The following ZNF254 variants were observed in gnomAD, a reference collection of about 807,000 sequenced individuals.
The protein encoded by ZNF254 is CTD-2017D11.1.
Under a neutral mutation model 12.4 loss-of-function variants are expected in ZNF254, and 10 were observed. That is an observed-to-expected ratio of 0.80 (90% CI 0.50 to 1.36). The LOEUF is 1.36. ZNF254 is among the 40% of genes most tolerant of loss of function. The probability of loss-of-function intolerance (pLI) is 0.00; values close to 1 mark genes in which losing one functional copy is unlikely to be tolerated. For missense variants in ZNF254, 996 were observed against 763.9 expected (o/e 1.30, Z -3.58); for synonymous variants, 305 against 253.4 (o/e 1.20, Z -1.93).
At chr19:24,125,220 ATCT>A (rs1974748266) in intron 3 of ZNF254, among the ~76,000 whole-genome samples, 1 of 137,592 alleles carries the variant, frequency 7.3e-6, no homozygotes, top group Admixed American at 7.1e-5. Context: ...TTATTTTTAC[ATCT>A]TTTTTTTTTT....
intron 3 of ZNF254, among the ~76,000 whole-genome samples, chr19:24,124,548 A>G (rs902032507): frequency 1.3e-5 from 2 of 152,028 alleles, no homozygotes; most frequent in Non-Finnish European, 2.9e-5. Flanking sequence ...TTTCCAATAT[A>G]CTTTTTTAGA....
chr19:24,036,386 A>G (rs1202850418), intron 1 of ZNF254, among the ~76,000 whole-genome samples: 2 of 152,116 alleles, frequency 1.3e-5, no homozygotes, highest in Non-Finnish European at 2.9e-5. Context: ...AAGTTCTGTG[A>G]GTAGCTGTAT....
At chr19:24,109,211 A>T (rs1181080871) in intron 3 of ZNF254, among the ~76,000 whole-genome samples, 3 of 152,206 alleles carry the variant, frequency 2.0e-5, no homozygotes, top group African/African-American at 7.2e-5. Flanking sequence ...TTAAATGCTT[A>T]TCTATTAAAA....
chr19:24,090,294 A>G (rs1244745257), intron 1 of ZNF254, among the ~76,000 whole-genome samples: 1 of 150,696 alleles, frequency 6.6e-6, no homozygotes, highest in East Asian at 1.9e-4. Flanking sequence ...GGCATAGTTC[A>G]GAGTCTCCTG....
At chr19:24,042,989 T>C (rs961216334) in intron 1 of ZNF254, among the ~76,000 whole-genome samples, 3 of 152,200 alleles carry the variant, frequency 2.0e-5, no homozygotes, top group African/African-American at 7.2e-5. Context: ...ATTGAAAAAC[T>C]CTGTTTCTTT....
chr19:24,061,046 C>T (rs1459258062), intron 2 of ZNF254, among the ~76,000 whole-genome samples: 1 of 152,120 alleles, frequency 6.6e-6, no homozygotes, highest in East Asian at 1.9e-4. Flanking sequence ...ACTGCTTGGA[C>T]TCTGTCACAG....
intron 2 of ZNF254, among the ~76,000 whole-genome samples, chr19:24,051,564 G>A (rs1970648142): frequency 6.6e-6 from 1 of 152,070 alleles, no homozygotes; most frequent in Non-Finnish European, 1.5e-5. Context: ...GCACAAAAAG[G>A]GATTGTGACA....
At chr19:24,074,313 G>A (rs1319419027) in intron 2 of ZNF254, among the ~76,000 whole-genome samples, 1 of 152,134 alleles carries the variant, frequency 6.6e-6, no homozygotes, top group Non-Finnish European at 1.5e-5. Flanking sequence ...TCTCTTCTAA[G>A]TAGGTTCTGC....
chr19:24,081,289 C>G (rs1052331428), intron 2 of ZNF254, among the ~76,000 whole-genome samples: 1 of 152,030 alleles, frequency 6.6e-6, no homozygotes, highest in Non-Finnish European at 1.5e-5. Flanking sequence ...TCAGGGAAGT[C>G]GTAGCAATTT....
chr19:24,109,028 G>A lies in ZNF254; in HGVS notation c.253+2385G>A, dbSNP rs765714359. On this transcript the variant is annotated intron_variant, in intron 3 of 3. Transcript: ENST00000357002. ...AAATTAGCCGGGCATGGCGGCACGCGCCTGTAGTCTGAGCTACTAGGGAGA... is the reference window on the plus strand; with the variant it reads ...AAATTAGCCGGGCATGGCGGCACGCACCTGTAGTCTGAGCTACTAGGGAGA... Among the ~76,000 whole-genome samples the A allele has an allele frequency of 4.6e-5, 7 of 152,304 alleles. 1 individual carries two copies. The highest frequency in any genetic ancestry group is 4.1e-4 in the South Asian group (2 of 4,828).
chr19:24,110,925 T>C (rs904909316), intron 3 of ZNF254, among the ~76,000 whole-genome samples: 1 of 151,692 alleles, frequency 6.6e-6, no homozygotes, highest in Non-Finnish European at 1.5e-5. Context: ...AGATGCAGGG[T>C]GAATCTATAT....
intron 1 of ZNF254, among the ~76,000 whole-genome samples, chr19:24,088,951 C>T (rs773405464): frequency 6.0e-5 from 9 of 150,586 alleles, no homozygotes; most frequent in Non-Finnish European, 1.0e-4. Context: ...GCCATCTCGC[C>T]TGGCCAATTA....
chr19:24,092,580 C>T (rs1371060065), intron 1 of ZNF254, among the ~76,000 whole-genome samples: 1 of 152,004 alleles, frequency 6.6e-6, no homozygotes, highest in Non-Finnish European at 1.5e-5. Context: ...GGGATTTTTC[C>T]ATGTTGCTCA....
rs144690134 is a variant in ZNF254 at position 24,126,405 on chromosome 19, C to A, written c.405C>A (p.Asn135Lys). 1 of 1,605,882 alleles carries A rather than the reference C, an allele frequency of 6.2e-7. No individual in the cohort carries two copies. The highest frequency in any genetic ancestry group is 1.1e-5 in the South Asian group (1 of 89,032). The change falls in exon 4 of 4, where the codon AAC becomes AAA. Residue 135 changes from asparagine (N) to lysine (K), a missense_variant. Coordinates refer to ENST00000357002, the MANE Select transcript of ZNF254 (RefSeq NM_203282.4). ...AAAGTGTGGATGAGTATAAGGTGAA[C>A]AAAGAAGGTTATAATGGACTTAACC... ...GCKSVDEYKV[N>K]KEGYNGLNQC...
chr19:24,089,568 G>T (rs1049346299), intron 1 of ZNF254, among the ~76,000 whole-genome samples: 1 of 152,174 alleles, frequency 6.6e-6, no homozygotes, highest in South Asian at 2.1e-4. Flanking sequence ...ACCCACCATG[G>T]CTATGTCTGC....
chr19:24,048,274 C>T (rs1333486581), intron 2 of ZNF254, among the ~76,000 whole-genome samples: 2 of 152,152 alleles, frequency 1.3e-5, no homozygotes, highest in Admixed American at 6.5e-5. Context: ...AGGCCGGCCA[C>T]TGAGGTGGGC....
intron 2 of ZNF254, among the ~76,000 whole-genome samples, chr19:24,064,327 A>C (rs1237536211): frequency 6.6e-6 from 1 of 152,006 alleles, no homozygotes; most frequent in African/African-American, 2.4e-5. Flanking sequence ...CACCTAGGTA[A>C]TATTACTTTT....
chr19:24,126,599 A>G lies in ZNF254; in HGVS notation c.599A>G (p.His200Arg), dbSNP rs1339479643. The G allele has an allele frequency of 6.2e-7, 1 of 1,603,960 alleles. No homozygotes were observed. Among genetic ancestry groups the G allele is most frequent in the Non-Finnish European group, 8.5e-7 (1 of 1,177,544 alleles). The change falls in exon 4 of 4, where the codon CAC becomes CGC. Residue 200 changes from histidine to arginine, a missense_variant. By Grantham distance (29) the His-to-Arg change is conservative. Coordinates refer to ENST00000357002, the MANE Select transcript of ZNF254 (RefSeq NM_203282.4). ...LFCMLSHKTQHKSIYHREKSY... is the reference protein window; with the variant it reads ...LFCMLSHKTQRKSIYHREKSY... ...TGCATGCTTTCACATAAAACCCAAC[A>G]CAAAAGCATTTATCATAGAGAGAAG... is the stretch of plus-strand genomic sequence containing the variant.
In ZNF254 at chr19:24,087,331, AGAAATGGT is replaced by A; in HGVS notation, c.27_30+4del. On this transcript the variant is annotated splice_donor_variant and coding_sequence_variant, in exon 1 of 4. Coordinates refer to ENST00000357002, the MANE Select transcript of ZNF254 (RefSeq NM_203282.4). LOFTEE classifies it high-confidence loss of function. ...AGATGCCAGGACCCCCTAGAAGCCTAGAAATGGTGAGAATGCCAGTCCGACATCCCGAG... is the reference window on the plus strand; with the variant it reads ...AGATGCCAGGACCCCCTAGAAGCCTAGAGAATGCCAGTCCGACATCCCGAG... 6.2e-7 allele frequency: 1 copy of A among 1,613,526 alleles called. No individual in the cohort carries two copies. Among genetic ancestry groups the A allele is most frequent in the East Asian group, 2.2e-5 (1 of 44,848 alleles).
Sources: allele counts gnomAD v4.1 joint callset (sites outside exome capture counted in the v4.1 genomes callset), GRCh38; gene constraint gnomAD v4.1.1; transcripts MANE v1.5; gene names NCBI Gene and HGNC (gene_info 2026-07-23, HGNC 2026-07-21).